Variants in GRB10 observed in about 807,000 individuals in gnomAD.
The protein encoded by GRB10 is growth factor receptor-bound protein 10.
Under a neutral mutation model 80.9 loss-of-function variants are expected in GRB10, and 20 were observed. That is an observed-to-expected ratio of 0.25 (90% confidence interval 0.17 to 0.36). The LOEUF (loss-of-function observed/expected upper bound fraction) is 0.36, where lower values mean the gene tolerates loss of function less well. Ranked by LOEUF, GRB10 falls within the 10% of genes least tolerant of loss-of-function variation. The pLI is 1.00. For synonymous variants in GRB10, 291 were observed against 291.5 expected (o/e 1.00, Z 0.02); for missense variants, 548 against 747.7 (o/e 0.73, Z 3.12).
At chr7:50,604,563 C>T (rs2048190626) in intron 15 of GRB10, among the ~76,000 whole-genome samples, 186 bp from the exon 16 acceptor site, 1 of 152,180 alleles carries the variant, frequency 6.6e-6, no homozygotes, top group Admixed American at 6.5e-5. Context: ...TTGTTAAGAA[C>T]ACCCTGAAAT....
chr7:50,622,347 A>G (rs2051931027), intron 8 of GRB10, among the ~76,000 whole-genome samples: 1 of 152,102 alleles, frequency 6.6e-6, no homozygotes, highest in Non-Finnish European at 1.5e-5. Flanking sequence ...CTCCCTCCAC[A>G]CCTTTCTGCA....
At chr7:50,790,044 A>C (rs985429947) in intron 1 of GRB10, among the ~76,000 whole-genome samples, 2 of 152,236 alleles carry the variant, frequency 1.3e-5, no homozygotes, top group African/African-American at 4.8e-5. Context: ...ACAAAAGTGC[A>C]GGAAAGCTCA....
At chr7:50,652,324 G>A (rs1437230876) in intron 7 of GRB10, among the ~76,000 whole-genome samples, 1 of 152,158 alleles carries the variant, frequency 6.6e-6, no homozygotes, top group Non-Finnish European at 1.5e-5. Context: ...TCCCATCAGG[G>A]CCACGGTTAT....
intron 5 of GRB10, among the ~76,000 whole-genome samples, chr7:50,693,898 C>T (rs1434644475): frequency 6.6e-6 from 1 of 151,782 alleles, no homozygotes; most frequent in African/African-American, 2.4e-5. Flanking sequence ...AAAGGGAGAC[C>T]CAAGCAGTTG....
chr7:50,678,806 C>CA (rs1477068008), intron 5 of GRB10, among the ~76,000 whole-genome samples: 2 of 152,146 alleles, frequency 1.3e-5, no homozygotes, highest in Non-Finnish European at 2.9e-5. Context: ...TGGTCAACTG[C>CA]AAAATTCTTG....
intron 5 of GRB10, among the ~76,000 whole-genome samples, chr7:50,689,562 C>T (rs2062535434): frequency 6.6e-6 from 1 of 151,984 alleles, no homozygotes; most frequent in East Asian, 1.9e-4. Context: ...AGTCTCGGGG[C>T]GCCCTCGAAC....
intron 7 of GRB10, among the ~76,000 whole-genome samples, chr7:50,652,258 T>G (rs1056173616): frequency 1.2e-4 from 19 of 152,292 alleles, no homozygotes; most frequent in Middle Eastern, 3.4e-3. Flanking sequence ...CTGCTAGTAT[T>G]GCAGACACCC....
intron 3 of GRB10, among the ~76,000 whole-genome samples, chr7:50,746,966 T>C (rs2073038262): frequency 6.6e-6 from 1 of 152,214 alleles, no homozygotes; most frequent in Non-Finnish European, 1.5e-5. Context: ...GTGACATTTC[T>C]CTTAAGCATG....
chr7:50,727,011 AGAAAAT>A (rs2068762118), intron 4 of GRB10: 1 of 152,186 alleles, frequency 6.6e-6, no homozygotes, highest in Admixed American at 6.5e-5. Context: ...TTGGCAGGAG[AGAAAAT>A]CCAAGTAAAG....
intron 7 of GRB10, among the ~76,000 whole-genome samples, chr7:50,655,270 A>G (rs2058525853): frequency 6.6e-6 from 1 of 152,176 alleles, no homozygotes; most frequent in African/African-American, 2.4e-5. Flanking sequence ...TCACCTGGGA[A>G]GAGTGTCTGC....
chr7:50,792,005 T>C (rs982636685), intron 1 of GRB10, among the ~76,000 whole-genome samples: 5 of 152,194 alleles, frequency 3.3e-5, no homozygotes, highest in Admixed American at 1.3e-4. Flanking sequence ...ATTGCCAGCA[T>C]TGTGTTGTAA....
intron 7 of GRB10, among the ~76,000 whole-genome samples, chr7:50,643,241 C>A (rs1474405346): frequency 6.6e-6 from 1 of 152,082 alleles, no homozygotes; most frequent in Admixed American, 6.5e-5. Flanking sequence ...TGGAACCAAT[C>A]CCCCATGTAC....
intron 2 of GRB10, among the ~76,000 whole-genome samples, chr7:50,774,975 C>T (rs1404214180): frequency 6.7e-6 from 1 of 149,288 alleles, no homozygotes; most frequent in Non-Finnish European, 1.5e-5. Flanking sequence ...AAAACCCCAT[C>T]TCTAATACCA....
chr7:50,791,075 TGATCCAC>T (rs2078894649), intron 1 of GRB10, among the ~76,000 whole-genome samples: 2 of 152,188 alleles, frequency 1.3e-5, no homozygotes, highest in South Asian at 4.1e-4. Flanking sequence ...TCTGGGTTCC[TGATCCAC>T]AAATGAAAAG....
At chr7:50,609,814 T>C (rs1475185584) in intron 13 of GRB10, among the ~76,000 whole-genome samples, 3 of 152,206 alleles carry the variant, frequency 2.0e-5, no homozygotes, top group Non-Finnish European at 2.9e-5. Context: ...ACAAACAATG[T>C]AACAGGAAGA....
intron 3 of GRB10, among the ~76,000 whole-genome samples, chr7:50,749,144 T>TTTTTTG: frequency 6.7e-6 from 1 of 149,812 alleles, no homozygotes. Context: ...GTTTTTTTTT[T>TTTTTTG]TTGAGATGGA....
chr7:50,713,687 T>C (rs2066329918), intron 4 of GRB10, among the ~76,000 whole-genome samples: 2 of 51,526 alleles, frequency 3.9e-5, no homozygotes, highest in Middle Eastern at 0.014. Flanking sequence ...ACCTCCTCCA[T>C]TGTCACCTCC....
intron 6 of GRB10, among the ~76,000 whole-genome samples, chr7:50,670,620 C>T (rs2060258803): frequency 6.6e-6 from 1 of 152,038 alleles, no homozygotes; most frequent in Non-Finnish European, 1.5e-5. Context: ...GCTCCAAATA[C>T]CTCATCCGTT....
chr7:50,629,733 G>A (rs972188955), intron 7 of GRB10, among the ~76,000 whole-genome samples: 20 of 152,236 alleles, frequency 1.3e-4, no homozygotes, highest in African/African-American at 4.8e-4. Flanking sequence ...TGACCACGGA[G>A]TCTTTTAGAG....
Sources: allele counts gnomAD v4.1 joint callset (sites outside exome capture counted in the v4.1 genomes callset), GRCh38; gene constraint gnomAD v4.1.1; transcripts MANE v1.5; gene names NCBI Gene and HGNC (gene_info 2026-07-23, HGNC 2026-07-21).